The following STYXL1 variants were observed in gnomAD, a reference collection of about 807,000 sequenced individuals.
STYXL1 encodes serine/threonine/tyrosine-interacting-like protein 1.
Under a neutral mutation model 36.4 loss-of-function variants are expected in STYXL1, and 32 were observed. The observed-to-expected ratio is 0.88, with a 90% CI of 0.66 to 1.18. The LOEUF is 1.18. Ranked by LOEUF, STYXL1 falls within the 50% of genes most tolerant of loss-of-function variation. STYXL1 has a pLI of 0.00. For synonymous variants in STYXL1, 133 were observed against 144.1 expected (o/e 0.92, Z 0.55); for missense variants, 354 against 394.1 (o/e 0.90, Z 0.86).
intron 4 of STYXL1, among the ~76,000 whole-genome samples, chr7:76,018,163 G>A (rs1019256382): frequency 1.3e-5 from 2 of 151,716 alleles, no homozygotes; most frequent in South Asian, 2.1e-4. Context: ...GACAGTGCCC[G>A]GCCTAATTTT....
intron 3 of STYXL1, among the ~76,000 whole-genome samples, chr7:76,027,930 C>T (rs1206470511): frequency 6.6e-6 from 1 of 152,072 alleles, no homozygotes; most frequent in East Asian, 1.9e-4. Context: ...ACAGTGCAAC[C>T]CCATTTCTAT....
intron 2 of STYXL1, 86 bp downstream of exon 2, chr7:76,030,335 A>T: frequency 4.9e-6 from 4 of 817,792 alleles, no homozygotes; most frequent in East Asian, 3.4e-5. Context: ...ACTGCCCCCC[A>T]CCCCGCCAAA....
intron 1 of STYXL1, among the ~76,000 whole-genome samples, chr7:76,046,351 C>CGT: frequency 9.4e-6 from 1 of 106,524 alleles, no homozygotes; most frequent in Admixed American, 9.9e-5. Context: ...CGCGCGCGCG[C>CGT]GCGCGCGCTT....
intron 8 of STYXL1, among the ~76,000 whole-genome samples, chr7:75,997,195 G>A (rs536099177): frequency 1.3e-5 from 2 of 152,166 alleles, no homozygotes; most frequent in Admixed American, 6.6e-5. Context: ...ACTTTGGGGG[G>A]CCGAGACGGG....
intron 8 of STYXL1, chr7:75,998,886 A>G (rs2116715844): frequency 6.6e-6 from 1 of 152,382 alleles, no homozygotes; most frequent in Non-Finnish European, 1.5e-5. Context: ...TAATAGAAGA[A>G]TATTCATATC....
At chr7:75,999,511 A>ATGTGTGTGTGTGTGTGTGTGTGTG (rs71301271) in intron 8 of STYXL1, among the ~76,000 whole-genome samples, 40 of 95,896 alleles carry the variant, frequency 4.2e-4, no homozygotes, top group Non-Finnish European at 6.6e-4. Flanking sequence ...GTGTGTGTGT[A>ATGTGTGTGTGTGTGTGTGTGTGTG]TGTGTGTGTG....
In STYXL1 at chr7:76,047,723, T is replaced by G; in HGVS notation, c.-66A>C. On this transcript the variant is annotated 5_prime_UTR_variant, in exon 1 of 9. Transcript: ENST00000359697. ...GCAGAAGGAATGGGTTTGGCTGAGG[T>G]CGGGGGCTCGGGTCTGGGACGCGCT... 1.2e-5 allele frequency: 3 copies of G among 246,634 alleles called. No homozygotes were observed. Among genetic ancestry groups the G allele is most frequent in the Non-Finnish European group, 2.4e-5 (3 of 125,432 alleles). 15.3% of individuals were successfully genotyped at this position (246,634 alleles called of 1,614,324 possible).
intron 7 of STYXL1, 139 bp from the exon 8 acceptor site, chr7:76,001,141 T>C: frequency 3.0e-6 from 2 of 659,764 alleles, no homozygotes; most frequent in Non-Finnish European, 5.6e-6. Flanking sequence ...GCAAGTCCCA[T>C]GATTTCTCTG....
intron 3 of STYXL1, among the ~76,000 whole-genome samples, chr7:76,022,438 T>A (rs546802213): frequency 6.6e-6 from 1 of 151,600 alleles, no homozygotes; most frequent in Non-Finnish European, 1.5e-5. Context: ...GGCAGGAGGA[T>A]TGCTTGAGGC....
chr7:76,026,536 C>A (rs1011900709), intron 3 of STYXL1, among the ~76,000 whole-genome samples: 11 of 152,126 alleles, frequency 7.2e-5, no homozygotes, highest in Admixed American at 6.6e-4. Context: ...CCTGCTTCGG[C>A]CAACCAAAGT....
rs1159067824 is a variant in STYXL1, at chr7:76,026,192, CAAAAAAAAAAAAAAAAAA to C, written c.165+2432_165+2449del. ...GGAGGACAGAGCAAGACTCTGTCTC[CAAAAAAAAAAAAAAAAAA>C]AAAAAAAAAAAAAAAAAAAGCAGCA... On this transcript the variant is annotated intron_variant, in intron 3 of 8. Coordinates refer to ENST00000359697, the MANE Select transcript of STYXL1 (RefSeq NM_001317785.2). Among the ~76,000 whole-genome samples, 87 of 18,620 alleles carry C rather than the reference CAAAAAAAAAAAAAAAAAA, an allele frequency of 4.7e-3. 1 individual carries two copies. Among genetic ancestry groups the C allele is most frequent in the Non-Finnish European group, 6.1e-3 (70 of 11,486 alleles). The allele number at this position is 18,620 out of a possible 152,430, so 12.2% of individuals were successfully genotyped here. A position where few individuals can be genotyped will look rare whatever the true frequency, so the allele number is the denominator to read the frequency against.
intron 7 of STYXL1, among the ~76,000 whole-genome samples, chr7:76,002,151 G>T (rs773917085): frequency 2.4e-4 from 36 of 152,158 alleles, no homozygotes; most frequent in Non-Finnish European, 4.4e-4. Flanking sequence ...GCCCGGGCTG[G>T]AGGGTAAGTT....
chr7:76,014,961 T>C (rs1287080263), intron 4 of STYXL1, among the ~76,000 whole-genome samples: 1 of 151,950 alleles, frequency 6.6e-6, no homozygotes, highest in African/African-American at 2.4e-5. Flanking sequence ...AAATAAGCAA[T>C]GGAGGCTGGG....
chr7:76,003,655 A>G, intron 7 of STYXL1, 103 bp downstream of exon 7: 1 of 1,063,092 alleles, frequency 9.4e-7, no homozygotes, highest in Non-Finnish European at 1.4e-6. Flanking sequence ...TCTCTAGAGC[A>G]TGGGGAAATC....
intron 4 of STYXL1, among the ~76,000 whole-genome samples, chr7:76,018,163 G>T (rs1019256382): frequency 6.6e-6 from 1 of 151,716 alleles, no homozygotes; most frequent in African/African-American, 2.4e-5. Flanking sequence ...GACAGTGCCC[G>T]GCCTAATTTT....
At chr7:76,034,109 C>T (rs1554580168) in intron 1 of STYXL1, among the ~76,000 whole-genome samples, 2 of 152,190 alleles carry the variant, frequency 1.3e-5, no homozygotes, top group Non-Finnish European at 2.9e-5. Flanking sequence ...TTTGGAGCTG[C>T]TGCCTTTTTT....
At chr7:76,027,655 GA>G (rs1172336975) in intron 3 of STYXL1, among the ~76,000 whole-genome samples, 4 of 151,020 alleles carry the variant, frequency 2.6e-5, no homozygotes, top group Non-Finnish European at 5.9e-5. Flanking sequence ...AGATAAAAAT[GA>G]AAAAAATATA....
intron 5 of STYXL1, among the ~76,000 whole-genome samples, chr7:76,005,748 C>T (rs1345060468): frequency 6.6e-6 from 1 of 151,764 alleles, no homozygotes; most frequent in East Asian, 1.9e-4. Context: ...ACTGGGGGCT[C>T]AGGAGGATGG....
In STYXL1 at chr7:76,013,864, C is replaced by T. The variant is rs1554573087; in HGVS notation, c.331G>A (p.Glu111Lys). 1.9e-6 allele frequency: 3 copies of T among 1,612,966 alleles called. No homozygotes were observed. The highest frequency in any genetic ancestry group is 2.7e-5 in the African/African-American group (2 of 75,010). ...GKDLVPQAAIEYGRILTRLTH... is the reference protein window; with the variant it reads ...GKDLVPQAAIKYGRILTRLTH... Reference sequence around the variant, plus strand: ...AGGCGGGTCAGGATCCTGCCATACTCAATGGCTGCTTGAGGCACAAGATCT... The same window carrying T: ...AGGCGGGTCAGGATCCTGCCATACTTAATGGCTGCTTGAGGCACAAGATCT... The change falls in exon 5 of 9, where the codon GAG (glutamate) becomes AAG (lysine). Residue 111 changes from glutamate to lysine, a missense_variant. Physicochemically the swap from Glu to Lys is moderately conservative, Grantham distance 56. Transcript: ENST00000359697.
Sources: gnomAD v4.1 joint callset for allele counts (sites outside exome capture counted in the v4.1 genomes callset) on GRCh38, gnomAD v4.1.1 for gene constraint, MANE v1.5 for transcripts, NCBI Gene and HGNC (gene_info 2026-07-23, HGNC 2026-07-21) for gene names.